The following PLK3 variants were observed in gnomAD, a reference collection of about 807,000 sequenced individuals.
PLK3 encodes the protein serine/threonine-protein kinase PLK3.
Under a neutral mutation model 71.6 loss-of-function variants are expected in PLK3, and 41 were observed. That is an observed-to-expected ratio of 0.57 (90% CI 0.45 to 0.74). PLK3 has a LOEUF of 0.74. Ranked by LOEUF, PLK3 falls within the 30% of genes least tolerant of loss-of-function variation. The pLI is 0.00. For missense variants in PLK3, 791 were observed against 875.6 expected, an observed-to-expected ratio of 0.90 and a Z score of 1.22; for synonymous variants, 366 against 355.4, an observed-to-expected ratio of 1.03 and a Z score of -0.33.
Position 44,802,822 on chromosome 1 carries a change from C to T in PLK3, c.716C>T (p.Pro239Leu). 1 of 1,614,006 alleles carries T rather than the reference C, an allele frequency of 6.2e-7. No homozygotes were observed. The highest frequency in any genetic ancestry group is 8.5e-7 in the Non-Finnish European group (1 of 1,179,902). ...PEVLLRQGHG[P>L]EADVWSLGCV... ...GTGCTGCTGAGACAGGGCCACGGCC[C>T]TGAGGCGGATGTATGGTCACTGGGC... Residue 239 changes from proline to leucine, a missense_variant, in exon 6 of 15, where the codon CCT becomes CTT. Coordinates refer to ENST00000372201, the MANE Select transcript of PLK3 (RefSeq NM_004073.4).
chr1:44,804,603 G>A (rs1392482168), intron 12 of PLK3, 47 bp from the exon 13 acceptor site: 1 of 1,605,648 alleles, frequency 6.2e-7, no homozygotes, highest in Non-Finnish European at 8.5e-7. Flanking sequence ...TCTCAGAGGA[G>A]GGGCATTGGT....
chr1:44,804,627 TGACCTCTGCCTCC>T lies in PLK3; in HGVS notation c.1506-22_1506-10del. The T allele has an allele frequency of 6.2e-7, 1 of 1,610,984 alleles. No homozygotes were observed. ...AGGGGCATTGGTGCAGGGCTCCCTC[TGACCTCTGCCTCC>T]CCATTCTAGGACTGTGCACTACAAT... On this transcript the variant is annotated splice_polypyrimidine_tract_variant and intron_variant, in intron 12 of 14. Coordinates refer to ENST00000372201, the MANE Select transcript of PLK3 (RefSeq NM_004073.4).
Position 44,803,918 on chromosome 1 carries a change from C to A in PLK3, c.1165-13C>A, listed in dbSNP as rs1302582916. On this transcript the variant is annotated splice_polypyrimidine_tract_variant and intron_variant, in intron 9 of 14. Transcript: ENST00000372201. This position sits in a 1 kb window ranked among gnomAD's most constrained non-coding sequence, Gnocchi z 4.3. ...GGGCCTGTGTCACTCCCTTTCCCTG[C>A]CCAACCCTCCAGGCTCCAGCAGCTT... 1.9e-6 allele frequency: 3 copies of A among 1,540,354 alleles called. No homozygotes were observed. Among genetic ancestry groups the A allele is most frequent in the Non-Finnish European group, 2.6e-6 (3 of 1,137,654 alleles).
Position 44,801,826 on chromosome 1 carries a change from C to T in PLK3, c.566-19C>T. On this transcript the variant is annotated intron_variant, in intron 4 of 14. Transcript: ENST00000372201. Reference sequence around the variant, plus strand: ...GGGAGGAAGGAAAGAATCTGACACACCTCTCTTGCCCCATCTAGGAAATTT... The same window carrying T: ...GGGAGGAAGGAAAGAATCTGACACATCTCTCTTGCCCCATCTAGGAAATTT... 3.1e-6 allele frequency: 5 copies of T among 1,611,364 alleles called. No homozygotes were observed. The highest frequency in any genetic ancestry group is 4.2e-6 in the Non-Finnish European group (5 of 1,178,118).
Position 44,803,025 on chromosome 1 carries a change from C to G in PLK3, c.820C>G (p.Gln274Glu). Reference sequence around the variant, plus strand: ...GAAGGAGACGTACCGCTGCATCAAGCAGGTTCACTACACGCTGCCTGCCAG... The same window carrying G: ...GAAGGAGACGTACCGCTGCATCAAGGAGGTTCACTACACGCTGCCTGCCAG... ...DLKETYRCIK[Q>E]VHYTLPASLS... Residue 274 changes from glutamine (Q) to glutamate (E), a missense_variant, in exon 7 of 15, where the codon CAG (glutamine) becomes GAG (glutamate). Transcript: ENST00000372201. This position sits in a 1 kb window ranked among gnomAD's most constrained non-coding sequence, Gnocchi z 4.3. 1 of 1,614,072 alleles carries G rather than the reference C, an allele frequency of 6.2e-7. No homozygotes were observed. Among genetic ancestry groups the G allele is most frequent in the Non-Finnish European group, 8.5e-7 (1 of 1,180,000 alleles).
intron 5 of PLK3, among the ~76,000 whole-genome samples, chr1:44,802,552 C>G (rs1573611714): frequency 6.6e-6 from 1 of 152,198 alleles, no homozygotes; most frequent in South Asian, 2.1e-4. Flanking sequence ...GGCCCTCCCC[C>G]TGTCATGAAG....
In PLK3 at chr1:44,805,680, ACCCAAGC is replaced by A; in HGVS notation, c.*5_*11del. 1 of 1,610,594 alleles carries A rather than the reference ACCCAAGC, an allele frequency of 6.2e-7. No homozygotes were observed. Among genetic ancestry groups the A allele is most frequent in the Non-Finnish European group, 8.5e-7 (1 of 1,179,698 alleles). ...CTCCGGGACCGCAGCCCAGCCTAGG[ACCCAAGC>A]CCTGAGGCCTGAGGCCTGTGCCTGT... On this transcript the variant is annotated 3_prime_UTR_variant, in exon 15 of 15. Coordinates refer to ENST00000372201, the MANE Select transcript of PLK3 (RefSeq NM_004073.4).
chr1:44,805,156 T>TC, intron 13 of PLK3, 110 bp from the exon 14 acceptor site: 1 of 745,834 alleles, frequency 1.3e-6, no homozygotes, highest in Non-Finnish European at 2.4e-6. Flanking sequence ...TCCCTCTGAT[T>TC]CCCCCTTGGT....
Position 44,801,950 on chromosome 1 carries a change from G to A in PLK3, c.653+18G>A. On this transcript the variant is annotated intron_variant, in intron 5 of 14. Transcript: ENST00000372201. ...AGGAAGAAGTGAGTTTTGAGGAAAG[G>A]GGCCCTGTGTGTGATACAGATGACA... The A allele has an allele frequency of 6.3e-7, 1 of 1,589,488 alleles. No individual in the cohort carries two copies.
rs762264920 is a variant in PLK3 at position 44,803,105 on chromosome 1, A to C, written c.900A>C (p.Arg300=). The change falls in exon 7 of 15, where the codon CGA becomes CGC. Residue 300 remains arginine (R), a synonymous_variant. Coordinates refer to ENST00000372201, the MANE Select transcript of PLK3 (RefSeq NM_004073.4). The surrounding 1 kb of genome is among the most constrained non-coding windows in gnomAD (Gnocchi z 4.3). ...CCGCCATCCTTCGGGCCTCACCCCG[A>C]GACCGCCCCTCTATTGACCAGATCC... ...LLAAILRASP[R]DRPSIDQILR... The C allele has an allele frequency of 1.9e-6, 3 of 1,613,704 alleles. No homozygotes were observed. Among genetic ancestry groups the C allele is most frequent in the African/African-American group, 2.7e-5 (2 of 74,876 alleles).
In PLK3 at chr1:44,800,987, G is replaced by A. The variant is rs1274962511; in HGVS notation, c.318+40G>A. 5 of 1,607,316 alleles carry A rather than the reference G, an allele frequency of 3.1e-6. No homozygotes were observed. The highest frequency in any genetic ancestry group is 4.3e-6 in the Non-Finnish European group (5 of 1,174,322). On this transcript the variant is annotated intron_variant, in intron 2 of 14. Transcript: ENST00000372201. This position sits in a 1 kb window ranked among gnomAD's most constrained non-coding sequence, Gnocchi z 6.5. ...AGCGGGCGAGGGGTGGGGTGGGGAC[G>A]GTGGCATGGGAACCATGGAAGGATG...
chr1:44,804,082 G>A (rs1012007254), intron 10 of PLK3, 58 bp downstream of exon 10: 44 of 1,537,178 alleles, frequency 2.9e-5, no homozygotes, highest in East Asian at 1.4e-4. Flanking sequence ...GATCAGGGGC[G>A]AGAGGGAAGG....
intron 5 of PLK3, 47 bp downstream of exon 5, chr1:44,801,979 G>A (rs1260836560): frequency 5.8e-6 from 8 of 1,369,086 alleles, no homozygotes; most frequent in African/African-American, 1.4e-5. Flanking sequence ...GATGACATGC[G>A]TGATAGACAG....
In PLK3 at chr1:44,800,428, C is replaced by T; in HGVS notation, c.-36C>T. The T allele has an allele frequency of 1.5e-6, 2 of 1,298,144 alleles. No homozygotes were observed. The highest frequency in any genetic ancestry group is 1.9e-6 in the Non-Finnish European group (2 of 1,027,828). The allele number at this position is 1,298,144 out of a possible 1,614,324, so 80.4% of individuals were successfully genotyped here. A position where few individuals can be genotyped will look rare whatever the true frequency, so the allele number is the denominator to read the frequency against. ...ACGCGCGGCCGGGGCCGGGCGGAAC[C>T]GAGAAGCCGGGACCGCGCTGCGACG... On this transcript the variant is annotated 5_prime_UTR_variant, in exon 1 of 15. Transcript: ENST00000372201. The surrounding 1 kb of genome is among the most constrained non-coding windows in gnomAD (Gnocchi z 6.5).
At position 44,803,668 on chromosome 1, in the gene PLK3, G is replaced by A; in HGVS notation, c.1141G>A (p.Gly381Ser). Residue 381 changes from glycine (G) to serine (S), a missense_variant, in exon 9 of 15, where the codon GGC (glycine) becomes AGC (serine). Coordinates refer to ENST00000372201, the MANE Select transcript of PLK3 (RefSeq NM_004073.4). This position sits in a 1 kb window ranked among gnomAD's most constrained non-coding sequence, Gnocchi z 4.3. Reference sequence around the variant, plus strand: ...GAGCGGCCTCATGCGCACATCCGTTGGCCATCAGGATGCCAGGCCAGAGGT... The same window carrying A: ...GAGCGGCCTCATGCGCACATCCGTTAGCCATCAGGATGCCAGGCCAGAGGT... ...LVSGLMRTSV[G>S]HQDARPEAPA... The A allele has an allele frequency of 6.2e-7, 1 of 1,613,358 alleles. No homozygotes were observed. The highest frequency in any genetic ancestry group is 8.5e-7 in the Non-Finnish European group (1 of 1,179,618).
rs369823567 is a variant in PLK3, at chr1:44,800,659, C to T, written c.196C>T (p.Arg66Cys). 2.0e-5 allele frequency: 31 copies of T among 1,551,556 alleles called. No homozygotes were observed. The highest frequency in any genetic ancestry group is 4.8e-5 in the East Asian group (2 of 41,594). Reference sequence around the variant, plus strand: ...CAGCGGCCGCACCTACCTCAAAGGCCGCTTGTTGGGCAAGGTGGGCCGAGG... The same window carrying T: ...CAGCGGCCGCACCTACCTCAAAGGCTGCTTGTTGGGCAAGGTGGGCCGAGG... ...PRSGRTYLKGRLLGKGGFARC... is the reference protein window; with the variant it reads ...PRSGRTYLKGCLLGKGGFARC... The change falls in exon 1 of 15, where the codon CGC becomes TGC. Residue 66 changes from arginine to cysteine, a missense_variant. Arg to Cys is a radical substitution (Grantham distance 180, BLOSUM62 -3). Coordinates refer to ENST00000372201, the MANE Select transcript of PLK3 (RefSeq NM_004073.4). The surrounding 1 kb of genome is among the most constrained non-coding windows in gnomAD (Gnocchi z 6.5).
In PLK3 at chr1:44,803,835, T is replaced by C; in HGVS notation, c.1165-96T>C. The C allele has an allele frequency of 8.8e-7, 1 of 1,141,732 alleles. No individual in the cohort carries two copies. The highest frequency in any genetic ancestry group is 2.0e-5 in the Admixed American group (1 of 49,640). 70.7% of individuals were successfully genotyped at this position (1,141,732 alleles called of 1,614,324 possible). A position where few individuals can be genotyped will look rare whatever the true frequency, so the allele number is the denominator to read the frequency against. ...TGTCACCAGCCTGGCGGGGCTGACCTGGGGTGCCCTGGGAGCCAGGGCAGG... is the reference window on the plus strand; with the variant it reads ...TGTCACCAGCCTGGCGGGGCTGACCCGGGGTGCCCTGGGAGCCAGGGCAGG... On this transcript the variant is annotated intron_variant, in intron 9 of 14. Transcript: ENST00000372201. This position sits in a 1 kb window ranked among gnomAD's most constrained non-coding sequence, Gnocchi z 4.3.
At chr1:44,802,463 C>G (rs1315853405) in intron 5 of PLK3, among the ~76,000 whole-genome samples, 1 of 152,028 alleles carries the variant, frequency 6.6e-6, no homozygotes, top group African/African-American at 2.4e-5. Context: ...GTCTGACAGA[C>G]AGGAGTGCAG....
intron 13 of PLK3, 48 bp downstream of exon 13, chr1:44,804,827 C>A (rs753842287): frequency 1.7e-5 from 27 of 1,595,742 alleles, no homozygotes; most frequent in Non-Finnish European, 2.2e-5. Context: ...CCATCCTGGC[C>A]GGGTGCGGTG....
Sources: gnomAD v4.1 joint callset for allele counts (sites outside exome capture counted in the v4.1 genomes callset) on GRCh38, gnomAD v4.1.1 for gene constraint, Gnocchi (gnomAD v3.1) non-coding constraint, MANE v1.5 for transcripts, NCBI Gene and HGNC (gene_info 2026-07-23, HGNC 2026-07-21) for gene names.